IL6ST: variants seen among roughly 807,000 people sequenced by gnomAD.
IL6ST encodes the protein interleukin-6 receptor subunit beta.
Under a neutral mutation model 91.3 loss-of-function variants are expected in IL6ST, and 24 were observed. That is an observed-to-expected ratio of 0.26 (90% CI 0.19 to 0.37). IL6ST has a LOEUF of 0.37. Among genes scored for constraint, IL6ST ranks in the 10% least tolerant of loss-of-function variants. The pLI is 1.00. For synonymous variants in IL6ST, 351 were observed against 373.6 expected (o/e 0.94, Z 0.70); for missense variants, 914 against 1,078.5 (o/e 0.85, Z 2.14).
intron 15 of IL6ST, among the ~76,000 whole-genome samples, chr5:55,946,173 T>C (rs1751238107): frequency 6.6e-6 from 1 of 152,034 alleles, no homozygotes. Context: ...GAAATGAAAA[T>C]TAAAACGATA....
intron 1 of IL6ST, among the ~76,000 whole-genome samples, chr5:55,993,102 C>G (rs1311223076): frequency 1.3e-5 from 2 of 152,166 alleles, no homozygotes; most frequent in African/African-American, 2.4e-5. Context: ...TCTCTAGGAG[C>G]CAAGCTGCAA....
intron 9 of IL6ST, among the ~76,000 whole-genome samples, chr5:55,956,705 T>C (rs1368371418): frequency 6.6e-6 from 1 of 152,184 alleles, no homozygotes; most frequent in South Asian, 2.1e-4. Flanking sequence ...TAAATACCTA[T>C]AAGGTATTAT....
chr5:55,987,447 A>T (rs1244817058), intron 1 of IL6ST, among the ~76,000 whole-genome samples: 1 of 152,248 alleles, frequency 6.6e-6, no homozygotes, highest in Non-Finnish European at 1.5e-5. Context: ...ATGTTTGAAA[A>T]GCATCTGATA....
At chr5:55,982,112 A>AG (rs1753708118) in intron 2 of IL6ST, among the ~76,000 whole-genome samples, 1 of 152,228 alleles carries the variant, frequency 6.6e-6, no homozygotes, top group South Asian at 2.1e-4. Flanking sequence ...CTCAAGTGAG[A>AG]GAAAAAGCAG....
At position 55,936,293 on chromosome 5, in the gene IL6ST, A is replaced by C. The variant is rs1347101979; in HGVS notation, c.*4789T>G. 4.4e-6 allele frequency: 1 copy of C among 224,958 alleles called. No homozygotes were observed. Among genetic ancestry groups the C allele is most frequent in the African/African-American group, 2.2e-5 (1 of 44,728 alleles). 13.9% of individuals were successfully genotyped at this position (224,958 alleles called of 1,614,324 possible). A position where few individuals can be genotyped will look rare whatever the true frequency, so the allele number is the denominator to read the frequency against. On this transcript the variant is annotated 3_prime_UTR_variant, in exon 17 of 17. Transcript: ENST00000381298. The stretch of plus-strand genomic sequence containing the variant: ...AGTGCAGGGTGGGCACAGACAGGCC[A>C]CAAGATGGCGCAGCACCTCCATACT...
At position 55,988,954 on chromosome 5, in the gene IL6ST, TA is replaced by T. The variant is rs1252300698; in HGVS notation, c.-104+5829del. Among the ~76,000 whole-genome samples the T allele has an allele frequency of 1.7e-3, 237 of 138,340 alleles. 1 individual carries two copies. Among genetic ancestry groups the T allele is most frequent in the African/African-American group, 6.0e-3 (222 of 37,166 alleles). The allele number at this position is 138,340 out of a possible 152,430, so 90.8% of individuals were successfully genotyped here. On this transcript the variant is annotated intron_variant, in intron 1 of 16. Coordinates refer to ENST00000381298, the MANE Select transcript of IL6ST (RefSeq NM_002184.4). ...GGCAAAACCCCATCTCTATAAAAAA[TA>T]AAAAAAAAATAAAAAAAAAAATCAG...
intron 14 of IL6ST, 27 bp downstream of exon 14, chr5:55,951,430 GAAAGAAA>G: frequency 6.4e-7 from 1 of 1,559,892 alleles, no homozygotes. Context: ...CTAAGTTTGA[GAAAGAAA>G]AAAAACCAAA....
At chr5:55,985,971 T>C (rs1396217273) in intron 1 of IL6ST, among the ~76,000 whole-genome samples, 1 of 152,224 alleles carries the variant, frequency 6.6e-6, no homozygotes, top group East Asian at 1.9e-4. Flanking sequence ...GTAGGATGAC[T>C]CCTACTCTAT....
chr5:55,951,965 T>C lies in IL6ST; in HGVS notation c.1663A>G (p.Thr555Ala), dbSNP rs1347300974. ...DVQNGFIRNY[T>A]IFYRTIIGNE... The stretch of plus-strand genomic sequence containing the variant: ...CCAATGATGGTTCTATAAAATATAG[T>C]ATAATTTCTGATAAATCCATTCTGA... The change falls in exon 13 of 17, where the codon ACT becomes GCT. Residue 555 changes from threonine (T) to alanine (A), a missense_variant. Coordinates refer to ENST00000381298, the MANE Select transcript of IL6ST (RefSeq NM_002184.4). The C allele has an allele frequency of 4.0e-6, 6 of 1,505,802 alleles. No homozygotes were observed. Among genetic ancestry groups the C allele is most frequent in the Non-Finnish European group, 1.8e-6 (2 of 1,082,922 alleles). The allele number at this position is 1,505,802 out of a possible 1,614,324, so 93.3% of individuals were successfully genotyped here.
intron 3 of IL6ST, among the ~76,000 whole-genome samples, chr5:55,974,490 A>AT (rs11437778): frequency 0.13 from 18,456 of 146,602 alleles, 1,188 homozygotes; most frequent in African/African-American, 0.15. Flanking sequence ...CCAAGCTCAG[A>AT]TTTTTTTTTT....
rs111915387 is a variant in IL6ST at position 55,969,790 on chromosome 5, A to C, written c.130T>G (p.Phe44Val). Reference protein sequence around the residue: ...ESPVVQLHSNFTAVCVLKEKC... With the variant: ...ESPVVQLHSNVTAVCVLKEKC... ...TCCTTTAGCACACAAACTGCAGTGA[A>C]ATTAGAATGAAGTTGTACAACTGGA... is the stretch of plus-strand genomic sequence containing the variant. Residue 44 changes from phenylalanine to valine, a missense_variant, in exon 4 of 17, where the codon TTC (phenylalanine) becomes GTC (valine). By Grantham distance (50) the Phe-to-Val change is conservative (BLOSUM62 -1). Coordinates refer to ENST00000381298, the MANE Select transcript of IL6ST (RefSeq NM_002184.4). The C allele has an allele frequency of 1.1e-5, 18 of 1,611,082 alleles. No homozygotes were observed. Among genetic ancestry groups the C allele is most frequent in the African/African-American group, 1.1e-4 (8 of 74,870 alleles).
chr5:55,955,003 A>G lies in IL6ST; in HGVS notation c.1268-11T>C. 6.5e-7 allele frequency: 1 copy of G among 1,528,890 alleles called. No individual in the cohort carries two copies. The highest frequency in any genetic ancestry group is 8.9e-7 in the Non-Finnish European group (1 of 1,122,824). The allele number at this position is 1,528,890 out of a possible 1,614,324, so 94.7% of individuals were successfully genotyped here. A position where few individuals can be genotyped will look rare whatever the true frequency, so the allele number is the denominator to read the frequency against. ...TTACAGGGTGAGTAGCTTTAAAACA[A>G]AGTTTGAATATTGAAATAATAAATA... is the stretch of plus-strand genomic sequence containing the variant. On this transcript the variant is annotated splice_polypyrimidine_tract_variant and intron_variant, in intron 10 of 16. Coordinates refer to ENST00000381298, the MANE Select transcript of IL6ST (RefSeq NM_002184.4).
intron 5 of IL6ST, among the ~76,000 whole-genome samples, chr5:55,967,309 C>CAAAAAAAAAAAAA (rs60547666): frequency 2.2e-4 from 7 of 31,904 alleles, no homozygotes; most frequent in African/African-American, 9.2e-4. Context: ...GACTCCATCT[C>CAAAAAAAAAAAAA]AAAAAAAAAA....
chr5:55,951,887 G>GA (rs746391529), intron 13 of IL6ST, 42 bp downstream of exon 13: 2 of 1,247,680 alleles, frequency 1.6e-6, no homozygotes, highest in Admixed American at 2.0e-5. Context: ...AAAGCTTAAG[G>GA]AAAAAATAAC....
At chr5:55,946,855 T>C (rs1201074000) in intron 15 of IL6ST, among the ~76,000 whole-genome samples, 1 of 150,496 alleles carries the variant, frequency 6.6e-6, no homozygotes, top group Non-Finnish European at 1.5e-5. Context: ...ACATCATGGA[T>C]GAATCTCAAA....
intron 5 of IL6ST, among the ~76,000 whole-genome samples, chr5:55,965,722 G>A (rs181887347): frequency 2.0e-5 from 3 of 151,722 alleles, no homozygotes; most frequent in Admixed American, 1.3e-4. Context: ...CGGGCGGGGT[G>A]GTGGGTGCCT....
chr5:55,959,879 T>C (rs954694938), intron 8 of IL6ST, among the ~76,000 whole-genome samples: 3 of 151,702 alleles, frequency 2.0e-5, no homozygotes, highest in African/African-American at 7.3e-5. Flanking sequence ...AAGTCACCAT[T>C]CCATGATGAA....
intron 11 of IL6ST, among the ~76,000 whole-genome samples, chr5:55,953,126 T>C (rs1419256686): frequency 6.6e-6 from 1 of 152,210 alleles, no homozygotes; most frequent in Non-Finnish European, 1.5e-5. Context: ...CACTAAAATT[T>C]TTCTTATTTA....
intron 1 of IL6ST, among the ~76,000 whole-genome samples, chr5:55,992,501 C>A (rs1422960365): frequency 1.3e-5 from 2 of 152,174 alleles, no homozygotes; most frequent in Non-Finnish European, 2.9e-5. Context: ...AGACCTACTT[C>A]ATAATATTAT....
Sources: allele counts gnomAD v4.1 joint callset (sites outside exome capture counted in the v4.1 genomes callset), GRCh38; gene constraint gnomAD v4.1.1; transcripts MANE v1.5; gene names NCBI Gene and HGNC (gene_info 2026-07-23, HGNC 2026-07-21).